The following SEMA3E variants were observed in gnomAD, a reference collection of about 807,000 sequenced individuals.
SEMA3E encodes the protein semaphorin-3E.
SEMA3E carries 49 observed loss-of-function variants against 93.6 expected under a neutral mutation model. The observed-to-expected ratio is 0.52, with a 90% CI of 0.42 to 0.66. The LOEUF is 0.66. Among genes scored for constraint, SEMA3E ranks in the 30% least tolerant of loss-of-function variants. The probability of loss-of-function intolerance (pLI) is 0.00; values close to 1 mark genes in which losing one functional copy is unlikely to be tolerated. For synonymous variants in SEMA3E, 363 were observed against 330.7 expected, an observed-to-expected ratio of 1.10 and a Z score of -1.06; for missense variants, 906 against 964.8, an observed-to-expected ratio of 0.94 and a Z score of 0.81.
intron 1 of SEMA3E, among the ~76,000 whole-genome samples, chr7:83,575,341 T>C (rs921815373): frequency 1.3e-5 from 2 of 151,642 alleles, no homozygotes; most frequent in African/African-American, 4.8e-5. Context: ...TTAGGCATTA[T>C]ATTCTATGAC....
At chr7:83,593,282 CTCTGTG>C (rs1293688708) in intron 1 of SEMA3E, among the ~76,000 whole-genome samples, 65 of 107,416 alleles carry the variant, frequency 6.1e-4, no homozygotes, top group African/African-American at 2.4e-3. Context: ...CTCTCTCTCT[CTCTGTG>C]TGTGTGTGTG....
chr7:83,542,817 A>T (rs1791564796), intron 1 of SEMA3E, among the ~76,000 whole-genome samples: 1 of 152,142 alleles, frequency 6.6e-6, no homozygotes, highest in Non-Finnish European at 1.5e-5. Context: ...TGCTTTCATG[A>T]TAAATTTCTG....
intron 2 of SEMA3E, among the ~76,000 whole-genome samples, chr7:83,480,266 CTG>C (rs1238948335): frequency 2.0e-5 from 3 of 152,118 alleles, no homozygotes; most frequent in Non-Finnish European, 4.4e-5. Context: ...CATGGTGAAA[CTG>C]TCTCCACCAA....
chr7:83,621,708 T>C (rs1050638536), intron 1 of SEMA3E, among the ~76,000 whole-genome samples: 11 of 152,152 alleles, frequency 7.2e-5, no homozygotes, highest in Non-Finnish European at 1.3e-4. Flanking sequence ...AACGATCTGA[T>C]CTTTGACAAA....
intron 1 of SEMA3E, among the ~76,000 whole-genome samples, chr7:83,606,112 A>G (rs1376773275): frequency 6.6e-6 from 1 of 152,214 alleles, no homozygotes; most frequent in Non-Finnish European, 1.5e-5. Flanking sequence ...AGCATTCAGC[A>G]TCCTGCTGGT....
intron 2 of SEMA3E, among the ~76,000 whole-genome samples, chr7:83,476,859 A>C (rs1333078611): frequency 6.6e-6 from 1 of 152,222 alleles, no homozygotes; most frequent in Non-Finnish European, 1.5e-5. Context: ...TGTACCAAAA[A>C]AGATACAAAA....
chr7:83,393,827 T>C (rs2115587146), intron 13 of SEMA3E, among the ~76,000 whole-genome samples: 1 of 152,226 alleles, frequency 6.6e-6, no homozygotes, highest in Middle Eastern at 3.4e-3. Flanking sequence ...TTATCATTGT[T>C]CTTGCACACT....
rs202161846 is a variant in SEMA3E, at chr7:83,503,004, TTC to T, written c.116-12732_116-12731del. 1.7e-3 allele frequency among the ~76,000 whole-genome samples: 162 copies of T among 92,854 alleles called. 2 individuals carry two copies. The highest frequency in any genetic ancestry group is 3.6e-3 in the African/African-American group (79 of 21,732). 60.9% of individuals were successfully genotyped at this position (92,854 alleles called of 152,430 possible). ...GGACAGCAAATATATATGAGTTTCT[TTC>T]TCTCTCTTTTTTTTTTTTTTGATGT... On this transcript the variant is annotated intron_variant, in intron 1 of 16. Coordinates refer to ENST00000643230, the MANE Select transcript of SEMA3E (RefSeq NM_012431.3).
rs192482997 is a variant in SEMA3E at position 83,556,195 on chromosome 7, C to T, written c.116-65921G>A. 7.3e-4 allele frequency among the ~76,000 whole-genome samples: 111 copies of T among 152,206 alleles called. 1 individual carries two copies. In the Middle Eastern group the frequency reaches 0.01, roughly 14 times the overall value. ...TTGTTTTTTAAAAAGGACATTCTCC[C>T]TCCACTGCCTGCACTTACCTTCGCT... On this transcript the variant is annotated intron_variant, in intron 1 of 16. Coordinates refer to ENST00000643230, the MANE Select transcript of SEMA3E (RefSeq NM_012431.3).
At chr7:83,640,817 T>G (rs1249891492) in intron 1 of SEMA3E, among the ~76,000 whole-genome samples, 1 of 151,614 alleles carries the variant, frequency 6.6e-6, no homozygotes, top group Non-Finnish European at 1.5e-5. Flanking sequence ...AGAGAAGGGG[T>G]GGTGCCAGCC....
chr7:83,460,962 C>T (rs1305904268), intron 4 of SEMA3E, among the ~76,000 whole-genome samples: 2 of 152,022 alleles, frequency 1.3e-5, no homozygotes, highest in African/African-American at 2.4e-5. Flanking sequence ...ACTCCCTTGG[C>T]CTGTGTTCTC....
chr7:83,421,033 A>G (rs1295991521), intron 4 of SEMA3E, among the ~76,000 whole-genome samples: 2 of 142,614 alleles, frequency 1.4e-5, no homozygotes, highest in Non-Finnish European at 3.2e-5. Context: ...CAGACAACTT[A>G]CAGAATGTGA....
chr7:83,605,598 T>A (rs764003337), intron 1 of SEMA3E, among the ~76,000 whole-genome samples: 19 of 151,902 alleles, frequency 1.3e-4, no homozygotes, highest in Non-Finnish European at 2.5e-4. Flanking sequence ...CCCCAGCTAT[T>A]TTTGTATTTT....
At chr7:83,609,992 A>C (rs961206981) in intron 1 of SEMA3E, among the ~76,000 whole-genome samples, 5 of 152,172 alleles carry the variant, frequency 3.3e-5, no homozygotes, top group African/African-American at 1.2e-4. Context: ...AGTACAATGA[A>C]CTGCAAAATA....
intron 4 of SEMA3E, among the ~76,000 whole-genome samples, chr7:83,429,137 C>G (rs573601964): frequency 1.3e-5 from 2 of 151,990 alleles, no homozygotes; most frequent in African/African-American, 4.8e-5. Context: ...CATTTTCAAA[C>G]GTTTGTAAGT....
At chr7:83,521,059 G>C (rs996819025) in intron 1 of SEMA3E, among the ~76,000 whole-genome samples, 1 of 54,940 alleles carries the variant, frequency 1.8e-5, no homozygotes. Flanking sequence ...TTTGGTCCCT[G>C]TTCGAGAAGG....
At chr7:83,438,253 C>A (rs1789043479) in intron 4 of SEMA3E, among the ~76,000 whole-genome samples, 1 of 152,004 alleles carries the variant, frequency 6.6e-6, no homozygotes, top group African/African-American at 2.4e-5. Context: ...CTACCTGGGT[C>A]ACCAAATTAA....
intron 1 of SEMA3E, among the ~76,000 whole-genome samples, chr7:83,618,927 G>A (rs1056607892): frequency 2.0e-5 from 3 of 151,760 alleles, no homozygotes; most frequent in Non-Finnish European, 4.4e-5. Flanking sequence ...GCACACACAT[G>A]TATATGTGTA....
chr7:83,614,699 G>A (rs1793329449), intron 1 of SEMA3E, among the ~76,000 whole-genome samples: 1 of 152,040 alleles, frequency 6.6e-6, no homozygotes, highest in African/African-American at 2.4e-5. Context: ...TTCCATCTTG[G>A]GAAGTACATT....
Sources: gnomAD v4.1 joint callset for allele counts (sites outside exome capture counted in the v4.1 genomes callset) on GRCh38, gnomAD v4.1.1 for gene constraint, MANE v1.5 for transcripts, NCBI Gene and HGNC (gene_info 2026-07-23, HGNC 2026-07-21) for gene names.